TFPI: variants seen among roughly 807,000 people sequenced by gnomAD.
TFPI encodes the protein anti-convertin.
In TFPI, 15 loss-of-function variants were observed where a neutral mutation model predicts 34.6. The observed-to-expected ratio is 0.43, with a 90% CI of 0.29 to 0.67. The LOEUF (loss-of-function observed/expected upper bound fraction) is 0.67. Among genes scored for constraint, TFPI ranks in the 30% least tolerant of loss-of-function variants. The probability of loss-of-function intolerance (pLI) is 0.15; values close to 1 mark genes in which losing one functional copy is unlikely to be tolerated. For synonymous variants in TFPI, 105 were observed against 120.1 expected (o/e 0.87, Z 0.82); for missense variants, 301 against 364.0 (o/e 0.83, Z 1.41).
intron 2 of TFPI, among the ~76,000 whole-genome samples, chr2:187,502,946 C>T (rs913972233): frequency 1.3e-5 from 2 of 152,116 alleles, no homozygotes; most frequent in African/African-American, 4.8e-5. Flanking sequence ...CAAAAATAAG[C>T]TATCATTTTG....
At chr2:187,493,297 C>T (rs1685246003) in intron 3 of TFPI, among the ~76,000 whole-genome samples, 1 of 152,102 alleles carries the variant, frequency 6.6e-6, no homozygotes, top group Non-Finnish European at 1.5e-5. Context: ...TACGTTGACC[C>T]CTTTCAATCA....
intron 1 of TFPI, among the ~76,000 whole-genome samples, chr2:187,522,877 C>T (rs139366415): frequency 0.014 from 2,113 of 146,986 alleles, 59 homozygotes; most frequent in African/African-American, 0.051. Flanking sequence ...GGTGACAGAG[C>T]GAGACTGTGT....
intron 1 of TFPI, chr2:187,515,748 T>C (rs1228609922): frequency 6.6e-6 from 1 of 152,198 alleles, no homozygotes; most frequent in African/African-American, 2.4e-5. Context: ...GTTCTATTAT[T>C]TTATGGTTAT....
At chr2:187,532,973 G>C (rs2106263882) in intron 1 of TFPI, among the ~76,000 whole-genome samples, 1 of 148,408 alleles carries the variant, frequency 6.7e-6, no homozygotes, top group Non-Finnish European at 1.5e-5. Context: ...GGAAGTTCCA[G>C]CACAGCTCCT....
chr2:187,522,873 A>G (rs1687476193), intron 1 of TFPI, among the ~76,000 whole-genome samples: 1 of 149,458 alleles, frequency 6.7e-6, no homozygotes, highest in South Asian at 2.1e-4. Flanking sequence ...CCTGGGTGAC[A>G]GAGCGAGACT....
chr2:187,490,923 A>G (rs956703252), intron 3 of TFPI, among the ~76,000 whole-genome samples: 1 of 151,712 alleles, frequency 6.6e-6, no homozygotes, highest in African/African-American at 2.4e-5. Flanking sequence ...TTTAAGGATT[A>G]TAATGTACTA....
At chr2:187,508,807 C>T (rs1686412317) in intron 1 of TFPI, among the ~76,000 whole-genome samples, 2 of 152,128 alleles carry the variant, frequency 1.3e-5, no homozygotes, top group South Asian at 4.2e-4. Context: ...TGCCTGAGTG[C>T]CCCGGCCAGA....
chr2:187,522,794 G>A (rs1043385998), intron 1 of TFPI, among the ~76,000 whole-genome samples: 29 of 151,146 alleles, frequency 1.9e-4, no homozygotes, highest in Admixed American at 1.8e-3. Flanking sequence ...GGGAGGCTGA[G>A]GCAGGAGAAT....
intron 4 of TFPI, 127 bp downstream of exon 4, chr2:187,488,210 A>C: frequency 1.6e-6 from 1 of 640,552 alleles, no homozygotes; most frequent in Non-Finnish European, 2.6e-6. Flanking sequence ...AATCTCAGAG[A>C]AACTTAAGAA....
At chr2:187,477,478 G>A (rs577715766) in intron 6 of TFPI, among the ~76,000 whole-genome samples, 1 of 151,978 alleles carries the variant, frequency 6.6e-6, no homozygotes, top group African/African-American at 2.4e-5. Context: ...TTGTTTGTTC[G>A]TTTTTTAAGA....
chr2:187,479,881 A>G (rs1046243394), intron 6 of TFPI, among the ~76,000 whole-genome samples: 2 of 151,952 alleles, frequency 1.3e-5, no homozygotes, highest in Non-Finnish European at 2.9e-5. Context: ...GACTGGAAGA[A>G]TATAAGTGAT....
At chr2:187,533,794 A>G (rs1274245055) in intron 1 of TFPI, among the ~76,000 whole-genome samples, 1 of 152,236 alleles carries the variant, frequency 6.6e-6, no homozygotes, top group Non-Finnish European at 1.5e-5. Context: ...GTTCTAACCC[A>G]ATGCAAGGAA....
At chr2:187,502,279 A>G (rs781508047) in intron 2 of TFPI, among the ~76,000 whole-genome samples, 1 of 152,124 alleles carries the variant, frequency 6.6e-6, no homozygotes, top group African/African-American at 2.4e-5. Flanking sequence ...AATTTCAGGA[A>G]CTTCCTGGTT....
At chr2:187,490,027 G>T (rs752971649) in intron 3 of TFPI, among the ~76,000 whole-genome samples, 1 of 151,528 alleles carries the variant, frequency 6.6e-6, no homozygotes, top group Non-Finnish European at 1.5e-5. Flanking sequence ...CAATTTATAT[G>T]AATTTGTTTT....
intron 1 of TFPI, among the ~76,000 whole-genome samples, chr2:187,552,811 C>T (rs191658155): frequency 1.2e-4 from 18 of 152,158 alleles, no homozygotes; most frequent in African/African-American, 4.1e-4. Flanking sequence ...ATTCTGTGGT[C>T]ACTTGAAGTA....
intron 1 of TFPI, among the ~76,000 whole-genome samples, chr2:187,538,967 A>C (rs1185076560): frequency 4.6e-5 from 7 of 152,198 alleles, no homozygotes; most frequent in Non-Finnish European, 8.8e-5. Flanking sequence ...TCTAATATTT[A>C]AACATTTGAA....
intron 1 of TFPI, chr2:187,517,667 C>T (rs1312558827): frequency 6.6e-6 from 1 of 152,172 alleles, no homozygotes; most frequent in African/African-American, 2.4e-5. Context: ...CCACTCGGTC[C>T]AGAGCTGAGT....
intron 3 of TFPI, among the ~76,000 whole-genome samples, chr2:187,490,472 C>G (rs999844708): frequency 6.6e-6 from 1 of 151,476 alleles, no homozygotes; most frequent in Non-Finnish European, 1.5e-5. Flanking sequence ...TAATGGACCC[C>G]CATTATAAAT....
chr2:187,489,793 G>A (rs1188269940), intron 3 of TFPI, among the ~76,000 whole-genome samples: 2 of 151,488 alleles, frequency 1.3e-5, no homozygotes, highest in African/African-American at 4.8e-5. Context: ...AATTTTAAGT[G>A]TATTTATATT....
Sources: allele counts gnomAD v4.1 joint callset (sites outside exome capture counted in the v4.1 genomes callset), GRCh38; gene constraint gnomAD v4.1.1; transcripts MANE v1.5; gene names NCBI Gene and HGNC (gene_info 2026-07-23, HGNC 2026-07-21).